Variants in COL5A1 observed in about 807,000 individuals in gnomAD.
COL5A1 encodes collagen type V alpha 1 chain.
A neutral mutation model predicts 263.7 loss-of-function variants in COL5A1; 16 were observed. That is an observed-to-expected ratio of 0.06 (90% CI 0.04 to 0.09). The LOEUF is 0.09. Ranked by LOEUF, COL5A1 falls within the 10% of genes least tolerant of loss-of-function variation. The pLI is 1.00. For synonymous variants in COL5A1, 1,012 were observed against 1,004.5 expected, an observed-to-expected ratio of 1.01 and a Z score of -0.14; for missense variants, 2,036 against 2,540.5, an observed-to-expected ratio of 0.80 and a Z score of 4.27.
At chr9:134,807,004 GCC>G (rs1178825306) in intron 42 of COL5A1, among the ~76,000 whole-genome samples, 1 of 152,134 alleles carries the variant, frequency 6.6e-6, no homozygotes, top group Non-Finnish European at 1.5e-5. Context: ...ATGAGCGAGC[GCC>G]CTTTTTGCCT....
At chr9:134,690,068 A>G (rs1032717021) in intron 1 of COL5A1, among the ~76,000 whole-genome samples, 5 of 152,074 alleles carry the variant, frequency 3.3e-5, no homozygotes, top group African/African-American at 1.2e-4. Context: ...GAGGGTGACC[A>G]TTGAGCTCCC....
At chr9:134,798,535 T>C in intron 37 of COL5A1, 74 bp downstream of exon 37, 1 of 1,441,036 alleles carries the variant, frequency 6.9e-7, no homozygotes, top group South Asian at 1.1e-5. Flanking sequence ...CAGCCCTCGC[T>C]GCCCAGCGCC....
rs542965527 is a variant in COL5A1, at chr9:134,715,065, C to T, written c.655-12201C>T. 1.2e-3 allele frequency among the ~76,000 whole-genome samples: 183 copies of T among 152,056 alleles called. 1 individual carries two copies. Among genetic ancestry groups the T allele is most frequent in the African/African-American group, 3.5e-3 (145 of 41,438 alleles). On this transcript the variant is annotated intron_variant, in intron 4 of 65. Coordinates refer to ENST00000371817, the MANE Select transcript of COL5A1 (RefSeq NM_000093.5). ...GCCCAGGGGACCAGCGCTCAGCATACGGAGGACCCCTGCCAGCACCAGTCT... is the reference window on the plus strand; with the variant it reads ...GCCCAGGGGACCAGCGCTCAGCATATGGAGGACCCCTGCCAGCACCAGTCT...
chr9:134,840,283 C>T (rs903351828), intron 65 of COL5A1, among the ~76,000 whole-genome samples: 1 of 152,124 alleles, frequency 6.6e-6, no homozygotes, highest in African/African-American at 2.4e-5. Flanking sequence ...GAAAGGTGTT[C>T]CTATCAAGGC....
chr9:134,731,239 T>G (rs976871707), intron 7 of COL5A1, among the ~76,000 whole-genome samples: 3 of 152,208 alleles, frequency 2.0e-5, no homozygotes, highest in Non-Finnish European at 2.9e-5. Context: ...AGCCCCTGCC[T>G]GAGCGGGTGC....
chr9:134,664,656 G>T (rs979903779), intron 1 of COL5A1, among the ~76,000 whole-genome samples: 6 of 152,218 alleles, frequency 3.9e-5, no homozygotes, highest in Admixed American at 6.5e-5. Flanking sequence ...TCGGCCAGAT[G>T]GACAGAGAAC....
Position 134,782,579 on chromosome 9 carries a change from T to G in COL5A1, c.2431-88T>G, listed in dbSNP as rs1011497007. 5 of 1,251,600 alleles carry G rather than the reference T, an allele frequency of 4.0e-6. No individual in the cohort carries two copies. The African/African-American group carries it at 7.4e-5, about 19-fold the overall frequency. The allele number at this position is 1,251,600 out of a possible 1,614,324, so 77.5% of individuals were successfully genotyped here. A position where few individuals can be genotyped will look rare whatever the true frequency, so the allele number is the denominator to read the frequency against. On this transcript the variant is annotated intron_variant, in intron 28 of 65. Coordinates refer to ENST00000371817, the MANE Select transcript of COL5A1 (RefSeq NM_000093.5). ...CCCCCAAGCGTGGGGGACCTGGTGCTGAGTGTGGTTGTTTGGAGCGGGGAA... is the reference window on the plus strand; with the variant it reads ...CCCCCAAGCGTGGGGGACCTGGTGCGGAGTGTGGTTGTTTGGAGCGGGGAA...
intron 1 of COL5A1, among the ~76,000 whole-genome samples, chr9:134,672,407 A>G (rs1832562130): frequency 6.6e-6 from 1 of 152,246 alleles, no homozygotes; most frequent in Non-Finnish European, 1.5e-5. Flanking sequence ...TACTAAAGGA[A>G]CATTTTGATG....
intron 63 of COL5A1, among the ~76,000 whole-genome samples, chr9:134,826,228 A>C (rs948838857): frequency 6.6e-6 from 1 of 151,964 alleles, no homozygotes; most frequent in Non-Finnish European, 1.5e-5. Flanking sequence ...CTGACCTGAG[A>C]CCCCCATTAA....
intron 39 of COL5A1, 33 bp from the exon 40 acceptor site, chr9:134,804,942 T>C: frequency 6.3e-7 from 1 of 1,588,600 alleles, no homozygotes; most frequent in Non-Finnish European, 8.6e-7. Flanking sequence ...CGTCACTGGC[T>C]CCAGGAAAGC....
chr9:134,781,797 G>A (rs1436114238), intron 28 of COL5A1, among the ~76,000 whole-genome samples: 2 of 152,306 alleles, frequency 1.3e-5, no homozygotes, highest in African/African-American at 4.8e-5. Context: ...GGCCCTGGGA[G>A]CCCCGGGAGC....
At chr9:134,796,523 G>A in intron 35 of COL5A1, 105 bp downstream of exon 35, 1 of 1,200,336 alleles carries the variant, frequency 8.3e-7, no homozygotes, top group South Asian at 1.2e-5. Context: ...GCACGCCTCA[G>A]ACCCTGCTGA....
intron 5 of COL5A1, among the ~76,000 whole-genome samples, chr9:134,727,715 G>A (rs527714971): frequency 1.3e-5 from 2 of 152,290 alleles, no homozygotes; most frequent in East Asian, 3.9e-4. Context: ...GATGCCACAG[G>A]TGTCCCCCAT....
chr9:134,814,061 G>A, intron 49 of COL5A1, 25 bp downstream of exon 49: 5 of 1,550,082 alleles, frequency 3.2e-6, no homozygotes, highest in Non-Finnish European at 4.4e-6. Flanking sequence ...GCTGCGGGAG[G>A]GGTGGGATAT....
chr9:134,711,534 C>T (rs1445815590), intron 4 of COL5A1, among the ~76,000 whole-genome samples: 2 of 152,114 alleles, frequency 1.3e-5, no homozygotes, highest in Non-Finnish European at 2.9e-5. Flanking sequence ...GGATGGGGCA[C>T]TGGGGGCTGG....
intron 11 of COL5A1, among the ~76,000 whole-genome samples, chr9:134,744,803 A>G (rs534338387): frequency 5.3e-4 from 81 of 152,110 alleles, no homozygotes; most frequent in African/African-American, 1.9e-3. Context: ...CCACACATGT[A>G]CACACATTCG....
At chr9:134,784,565 C>T (rs1837381157) in intron 29 of COL5A1, among the ~76,000 whole-genome samples, 1 of 152,236 alleles carries the variant, frequency 6.6e-6, no homozygotes, top group Admixed American at 6.5e-5. Flanking sequence ...GGCTGGGGTC[C>T]ACTTCCATAC....
intron 48 of COL5A1, among the ~76,000 whole-genome samples, chr9:134,813,049 T>C (rs1838601006): frequency 6.6e-6 from 1 of 152,182 alleles, no homozygotes; most frequent in Admixed American, 6.5e-5. Context: ...GACTCAGCTC[T>C]GGTGGAGATC....
At chr9:134,815,662 C>T (rs376610503) in intron 51 of COL5A1, 33 bp downstream of exon 51, 164 of 1,608,736 alleles carry the variant, frequency 1.0e-4, no homozygotes, top group Non-Finnish European at 1.4e-4. Context: ...CCACCGGATC[C>T]CCCACAGTGC....
Sources: gnomAD v4.1 joint callset for allele counts (sites outside exome capture counted in the v4.1 genomes callset) on GRCh38, gnomAD v4.1.1 for gene constraint, MANE v1.5 for transcripts, NCBI Gene and HGNC (gene_info 2026-07-23, HGNC 2026-07-21) for gene names.